GRIK4: variants seen among roughly 807,000 people sequenced by gnomAD.
GRIK4 encodes the protein glutamate ionotropic receptor kainate type subunit 4.
In GRIK4, 40 loss-of-function variants were observed where a neutral mutation model predicts 104.9. The observed-to-expected ratio is 0.38, with a 90% confidence interval of 0.30 to 0.50. GRIK4 has a LOEUF of 0.50. Among genes scored for constraint, GRIK4 ranks in the 20% least tolerant of loss-of-function variants. The pLI, the probability that GRIK4 is intolerant of heterozygous loss-of-function variation, is 0.93. For synonymous variants in GRIK4, 485 were observed against 524.9 expected (o/e 0.92, Z 1.04); for missense variants, 1,047 against 1,308.1 (o/e 0.80, Z 3.08).
At chr11:120,968,869 G>C (rs1453007923) in intron 19 of GRIK4, among the ~76,000 whole-genome samples, 1 of 152,210 alleles carries the variant, frequency 6.6e-6, no homozygotes, top group Non-Finnish European at 1.5e-5. Flanking sequence ...TAGGGCTGCT[G>C]TGAAGGGAGA....
At chr11:120,571,208 G>C (rs1948393548) in intron 1 of GRIK4, among the ~76,000 whole-genome samples, 1 of 152,156 alleles carries the variant, frequency 6.6e-6, no homozygotes, top group South Asian at 2.1e-4. Context: ...CTGAGACCTT[G>C]CATCTTCTTC....
chr11:120,861,093 CT>C (rs547199127), intron 8 of GRIK4, among the ~76,000 whole-genome samples: 266 of 86,470 alleles, frequency 3.1e-3, no homozygotes, highest in Middle Eastern at 9.3e-3. Context: ...AAATCATCCT[CT>C]TTTTTTTTTT....
At chr11:120,722,547 G>A (rs986072897) in intron 3 of GRIK4, among the ~76,000 whole-genome samples, 15 of 151,988 alleles carry the variant, frequency 9.9e-5, no homozygotes, top group African/African-American at 3.4e-4. Context: ...AGCGGAGGTT[G>A]CAGTGAGCTG....
At chr11:120,856,995 T>A (rs1195807641) in intron 8 of GRIK4, among the ~76,000 whole-genome samples, 1 of 152,098 alleles carries the variant, frequency 6.6e-6, no homozygotes, top group Non-Finnish European at 1.5e-5. Flanking sequence ...CTTTCCCTTA[T>A]CCCTCCATGT....
intron 7 of GRIK4, among the ~76,000 whole-genome samples, chr11:120,835,276 C>G (rs926114117): frequency 6.6e-6 from 1 of 152,164 alleles, no homozygotes; most frequent in African/African-American, 2.4e-5. Flanking sequence ...GCCTGTAATC[C>G]CAGCACTTTG....
chr11:120,708,030 A>G (rs1322672138), intron 3 of GRIK4, among the ~76,000 whole-genome samples: 1 of 152,174 alleles, frequency 6.6e-6, no homozygotes, highest in Non-Finnish European at 1.5e-5. Flanking sequence ...CATAGATGCC[A>G]CCTCTTAATG....
chr11:120,650,596 A>C (rs7125158), intron 1 of GRIK4, among the ~76,000 whole-genome samples: 15,297 of 152,146 alleles, frequency 0.1, 1,839 homozygotes, highest in African/African-American at 0.29. Flanking sequence ...TTTCCTTCAC[A>C]GTCTGTAATT....
At position 120,537,700 on chromosome 11, in the gene GRIK4, C is replaced by T. The variant is rs183193767; in HGVS notation, c.-159+25813C>T. Among the ~76,000 whole-genome samples the T allele has an allele frequency of 2.8e-4, 42 of 152,338 alleles. 1 individual carries two copies. Among genetic ancestry groups the T allele is most frequent in the African/African-American group, 9.9e-4 (41 of 41,582 alleles). ...GTGGACGGGCACGCGCCTTCCTCCT[C>T]GCCGCGCTGTGCAGCTTCCTTTACC... On this transcript the variant is annotated intron_variant, in intron 1 of 20. Transcript: ENST00000527524.
At chr11:120,718,257 C>T (rs184195937) in intron 3 of GRIK4, among the ~76,000 whole-genome samples, 15 of 152,124 alleles carry the variant, frequency 9.9e-5, no homozygotes, top group Non-Finnish European at 1.9e-4. Context: ...CAGCCACTCC[C>T]TCCTCTCCCC....
chr11:120,551,498 T>G (rs1948139382), intron 1 of GRIK4, among the ~76,000 whole-genome samples: 1 of 152,162 alleles, frequency 6.6e-6, no homozygotes, highest in African/African-American at 2.4e-5. Context: ...ACATGGTTGT[T>G]GGCCGGGCAT....
chr11:120,766,855 C>T (rs770891616), intron 3 of GRIK4, among the ~76,000 whole-genome samples: 5 of 151,794 alleles, frequency 3.3e-5, no homozygotes, highest in Non-Finnish European at 4.4e-5. Flanking sequence ...CTGCCTTCTG[C>T]GTTGGTCTCG....
At chr11:120,736,571 G>T (rs576323853) in intron 3 of GRIK4, among the ~76,000 whole-genome samples, 1 of 152,316 alleles carries the variant, frequency 6.6e-6, no homozygotes, top group South Asian at 2.1e-4. Flanking sequence ...TTCTGAGGCT[G>T]TTGGATGTAT....
At chr11:120,929,309 G>A (rs1021359688) in intron 13 of GRIK4, among the ~76,000 whole-genome samples, 2 of 152,136 alleles carry the variant, frequency 1.3e-5, no homozygotes, top group Non-Finnish European at 2.9e-5. Flanking sequence ...GGCATGTGAC[G>A]CTGAAGTCTA....
chr11:120,581,907 C>T (rs1024298588), intron 1 of GRIK4, among the ~76,000 whole-genome samples: 4 of 151,812 alleles, frequency 2.6e-5, no homozygotes, highest in Non-Finnish European at 5.9e-5. Context: ...CCCGGGTTCA[C>T]GCCATTCTTC....
At chr11:120,818,219 T>A (rs1953011448) in intron 5 of GRIK4, among the ~76,000 whole-genome samples, 1 of 152,196 alleles carries the variant, frequency 6.6e-6, no homozygotes, top group African/African-American at 2.4e-5. Flanking sequence ...TGGAATGTGG[T>A]AGGCTAGAGG....
intron 14 of GRIK4, among the ~76,000 whole-genome samples, chr11:120,945,610 T>C (rs11218068): frequency 0.23 from 35,075 of 152,172 alleles, 4,348 homozygotes; most frequent in East Asian, 0.36. Flanking sequence ...TTAGGGAACC[T>C]TACAGGGCCA....
At position 120,916,873 on chromosome 11, in the gene GRIK4, G is replaced by A. The variant is rs182284901; in HGVS notation, c.1476+11380G>A. 1.1e-3 allele frequency among the ~76,000 whole-genome samples: 166 copies of A among 152,266 alleles called. 1 individual carries two copies. Among genetic ancestry groups the A allele is most frequent in the Admixed American group, 4.3e-3 (66 of 15,300 alleles). On this transcript the variant is annotated intron_variant, in intron 13 of 20. Coordinates refer to ENST00000527524, the MANE Select transcript of GRIK4 (RefSeq NM_014619.5). The stretch of plus-strand genomic sequence containing the variant: ...AAATTCGAAACACTTCTGGTCTCAA[G>A]CATTTCAGATAAGGGGCGCTTGCAT...
In GRIK4 at chr11:120,978,684, G is replaced by C. The variant is rs1252589426; in HGVS notation, c.2396-3422G>C. Among the ~76,000 whole-genome samples the C allele has an allele frequency of 2.0e-5, 3 of 152,262 alleles. No individual in the cohort carries two copies. In the South Asian group the frequency reaches 6.2e-4, roughly 32 times the overall value. On this transcript the variant is annotated intron_variant, in intron 19 of 20. Coordinates refer to ENST00000527524, the MANE Select transcript of GRIK4 (RefSeq NM_014619.5). ...ACTAGGGAAGTGGCAGGAGGAATAG[G>C]GAGAAGGGTAAGAAACTGAAAAATA...
At chr11:120,825,811 A>T (rs1240037036) in intron 6 of GRIK4, among the ~76,000 whole-genome samples, 2 of 152,240 alleles carry the variant, frequency 1.3e-5, no homozygotes, top group Admixed American at 1.3e-4. Flanking sequence ...CTGGGCCCAG[A>T]ACACGATACC....
Sources: allele counts gnomAD v4.1 joint callset (sites outside exome capture counted in the v4.1 genomes callset), GRCh38; gene constraint gnomAD v4.1.1; transcripts MANE v1.5; gene names NCBI Gene and HGNC (gene_info 2026-07-23, HGNC 2026-07-21).